The following CTNNA3 variants were observed in gnomAD, a reference collection of about 807,000 sequenced individuals.
The protein encoded by CTNNA3 is catenin alpha-3.
CTNNA3 carries 76 observed loss-of-function variants against 95.7 expected under a neutral mutation model. That is an observed-to-expected ratio of 0.79 (90% CI 0.66 to 0.96). CTNNA3 has a LOEUF of 0.96. Among genes scored for constraint, CTNNA3 ranks in the 40% least tolerant of loss-of-function variants. The pLI, the probability that CTNNA3 is intolerant of heterozygous loss-of-function variation, is 0.00. For missense variants in CTNNA3, 1,191 were observed against 1,089.8 expected (o/e 1.09, Z -1.31); for synonymous variants, 431 against 374.4 (o/e 1.15, Z -1.74).
At chr10:66,380,621 C>CTATATA (rs1488969128) in intron 11 of CTNNA3, among the ~76,000 whole-genome samples, 1 of 105,762 alleles carries the variant, frequency 9.5e-6, no homozygotes, top group South Asian at 3.4e-4. Context: ...ATCTATCTAT[C>CTATATA]TATCTATATA....
chr10:66,432,854 TG>T (rs1484897071), intron 11 of CTNNA3, among the ~76,000 whole-genome samples: 2 of 152,144 alleles, frequency 1.3e-5, no homozygotes, highest in East Asian at 3.9e-4. Context: ...TGTGCCCATA[TG>T]TTCTCATTGT....
intron 5 of CTNNA3, among the ~76,000 whole-genome samples, chr10:67,273,035 T>A (rs1007252267): frequency 6.6e-6 from 1 of 152,188 alleles, no homozygotes; most frequent in Non-Finnish European, 1.5e-5. Context: ...AATGTAGTAG[T>A]TACAATTACA....
intron 5 of CTNNA3, among the ~76,000 whole-genome samples, chr10:67,427,942 T>A (rs191224827): frequency 2.2e-4 from 33 of 152,102 alleles, no homozygotes; most frequent in Non-Finnish European, 2.9e-5. Context: ...AACAGTGAGG[T>A]CTCAAGGTCC....
intron 5 of CTNNA3, among the ~76,000 whole-genome samples, chr10:67,304,943 G>C (rs1254790052): frequency 1.3e-5 from 2 of 151,974 alleles, no homozygotes; most frequent in East Asian, 1.9e-4. Context: ...GAGGTACAAA[G>C]AAGAAGCTAT....
At chr10:65,973,126 G>T (rs2078142975) in intron 16 of CTNNA3, among the ~76,000 whole-genome samples, 1 of 152,132 alleles carries the variant, frequency 6.6e-6, no homozygotes, top group Non-Finnish European at 1.5e-5. Flanking sequence ...AGTATCTGGT[G>T]CTGTGACAGC....
chr10:66,845,725 A>AAAAAAT lies in CTNNA3; in HGVS notation c.1048-70202_1048-70201insATTTTT, dbSNP rs1160996707. Among the ~76,000 whole-genome samples the AAAAAAT allele has an allele frequency of 2.0e-5, 2 of 100,340 alleles. 1 individual carries two copies. Among genetic ancestry groups the AAAAAAT allele is most frequent in the Non-Finnish European group, 4.3e-5 (2 of 46,982 alleles). 65.8% of individuals were successfully genotyped at this position (100,340 alleles called of 152,430 possible). A position where few individuals can be genotyped will look rare whatever the true frequency, so the allele number is the denominator to read the frequency against. ...TCTCAAAAAAAAAAAAAAAAAAAAA[A>AAAAAAT]AAAACTAAAAAGGTGAGATATATAT... On this transcript the variant is annotated intron_variant, in intron 7 of 17. Transcript: ENST00000433211.
chr10:65,920,654 A>C, intron 17 of CTNNA3, 37 bp from the exon 18 acceptor site: 1 of 1,591,920 alleles, frequency 6.3e-7, no homozygotes, highest in Non-Finnish European at 8.6e-7. Context: ...CTATTATTCC[A>C]GGAGGTTTTG....
chr10:67,174,823 A>G (rs1862164434), intron 7 of CTNNA3, among the ~76,000 whole-genome samples: 1 of 152,090 alleles, frequency 6.6e-6, no homozygotes, highest in South Asian at 2.1e-4. Context: ...GCTCTAATCA[A>G]TCTGACCTTG....
chr10:66,247,873 A>G (rs1212985385), intron 13 of CTNNA3, among the ~76,000 whole-genome samples: 1 of 152,228 alleles, frequency 6.6e-6, no homozygotes, highest in Non-Finnish European at 1.5e-5. Flanking sequence ...AAAGGAAAGG[A>G]CATTAATGAG....
intron 5 of CTNNA3, among the ~76,000 whole-genome samples, chr10:67,445,660 G>C (rs1049002736): frequency 2.0e-5 from 3 of 152,172 alleles, no homozygotes; most frequent in African/African-American, 7.2e-5. Context: ...AAGCATAGCA[G>C]AGAGGTCTTT....
At chr10:67,150,997 T>C (rs1344270681) in intron 7 of CTNNA3, among the ~76,000 whole-genome samples, 1 of 152,206 alleles carries the variant, frequency 6.6e-6, no homozygotes, top group East Asian at 1.9e-4. Flanking sequence ...CAAAAAACTC[T>C]TCTTCAGTAG....
chr10:66,530,547 T>A (rs1000548328), intron 10 of CTNNA3, among the ~76,000 whole-genome samples: 1 of 152,164 alleles, frequency 6.6e-6, no homozygotes, highest in Non-Finnish European at 1.5e-5. Flanking sequence ...ACCTTTACAC[T>A]TCAAATTACG....
intron 7 of CTNNA3, among the ~76,000 whole-genome samples, chr10:67,035,081 C>A (rs1341228198): frequency 6.6e-6 from 1 of 152,174 alleles, no homozygotes; most frequent in Non-Finnish European, 1.5e-5. Flanking sequence ...CTCCGCATAG[C>A]CCAATCTAAT....
At position 66,481,630 on chromosome 10, in the gene CTNNA3, C is replaced by T. The variant is rs535637666; in HGVS notation, c.1531+38987G>A. On this transcript the variant is annotated intron_variant, in intron 11 of 17. Coordinates refer to ENST00000433211, the MANE Select transcript of CTNNA3 (RefSeq NM_013266.4). ...GGGACTACAGGCGCCTGCCACCACG[C>T]CCGGCTAATTTTTTGTATTTTTAGT... Among the ~76,000 whole-genome samples the T allele has an allele frequency of 1.2e-3, 182 of 147,646 alleles. 8 individuals carry two copies. The South Asian group carries it at 0.014, about 11-fold the overall frequency.
At chr10:66,555,201 C>CA (rs1286880951) in intron 10 of CTNNA3, among the ~76,000 whole-genome samples, 1 of 151,990 alleles carries the variant, frequency 6.6e-6, no homozygotes, top group African/African-American at 2.4e-5. Flanking sequence ...AGGTCCCAGC[C>CA]AAAAAACAAA....
intron 7 of CTNNA3, among the ~76,000 whole-genome samples, chr10:67,112,619 C>T (rs1188090486): frequency 9.3e-6 from 1 of 108,060 alleles, no homozygotes; most frequent in Non-Finnish European, 1.8e-5. Context: ...ATTCGTTTTT[C>T]ATTCTTTTTT....
intron 11 of CTNNA3, among the ~76,000 whole-genome samples, chr10:66,382,620 G>C (rs2092850782): frequency 6.6e-6 from 1 of 152,208 alleles, no homozygotes; most frequent in Non-Finnish European, 1.5e-5. Flanking sequence ...AGAATGGACA[G>C]ACTGCCTCCT....
At chr10:67,726,155 AT>A (rs1313228961) in intron 1 of CTNNA3, among the ~76,000 whole-genome samples, 1 of 109,520 alleles carries the variant, frequency 9.1e-6, no homozygotes, top group African/African-American at 3.8e-5. Flanking sequence ...ATATATTATA[AT>A]ATATAATCTT....
intron 2 of CTNNA3, among the ~76,000 whole-genome samples, chr10:67,629,605 G>A (rs1475030721): frequency 6.6e-6 from 1 of 152,176 alleles, no homozygotes; most frequent in Non-Finnish European, 1.5e-5. Flanking sequence ...TGCTGCTAAT[G>A]GGACTTCCTT....
Sources: gnomAD v4.1 joint callset for allele counts (sites outside exome capture counted in the v4.1 genomes callset) on GRCh38, gnomAD v4.1.1 for gene constraint, MANE v1.5 for transcripts, NCBI Gene and HGNC (gene_info 2026-07-23, HGNC 2026-07-21) for gene names.